TNIK: variants seen among roughly 807,000 people sequenced by gnomAD.
The protein encoded by TNIK is TRAF2 and NCK-interacting protein kinase.
In TNIK, 49 loss-of-function variants were observed where a neutral mutation model predicts 191.3. That is an observed-to-expected ratio of 0.26 (90% CI 0.20 to 0.32). The LOEUF is 0.32. Ranked by LOEUF, TNIK falls within the 10% of genes least tolerant of loss-of-function variation. The pLI is 1.00. For synonymous variants in TNIK, 594 were observed against 600.9 expected (o/e 0.99, Z 0.17); for missense variants, 1,155 against 1,702.3 (o/e 0.68, Z 5.66).
chr3:171,459,931 A>G, intron 1 of TNIK, 76 bp downstream of exon 1: 1 of 504,728 alleles, frequency 2.0e-6, no homozygotes, highest in Admixed American at 2.6e-5. Flanking sequence ...CCCCAGCCCC[A>G]GCCCCCAGTC....
At chr3:171,407,731 C>A (rs1427457718) in intron 1 of TNIK, among the ~76,000 whole-genome samples, 1 of 152,190 alleles carries the variant, frequency 6.6e-6, no homozygotes, top group Non-Finnish European at 1.5e-5. Flanking sequence ...TGCAAGGCCA[C>A]CCTAAGTTTA....
intron 2 of TNIK, among the ~76,000 whole-genome samples, chr3:171,325,950 G>T (rs970817028): frequency 6.6e-6 from 1 of 152,136 alleles, no homozygotes; most frequent in African/African-American, 2.4e-5. Flanking sequence ...CACTCTTCTC[G>T]AGCCTCATCT....
chr3:171,222,330 C>A (rs1313066616), intron 3 of TNIK, among the ~76,000 whole-genome samples: 2 of 152,030 alleles, frequency 1.3e-5, no homozygotes, highest in South Asian at 4.2e-4. Flanking sequence ...GCTGTCAATT[C>A]CTTTGTAAAA....
chr3:171,099,215 A>G (rs1235850192), intron 22 of TNIK, among the ~76,000 whole-genome samples: 1 of 152,086 alleles, frequency 6.6e-6, no homozygotes, highest in Non-Finnish European at 1.5e-5. Context: ...GATACGTTCA[A>G]TGGTTTCCAA....
chr3:171,404,652 C>A (rs1377843838), intron 1 of TNIK, among the ~76,000 whole-genome samples: 1 of 151,972 alleles, frequency 6.6e-6, no homozygotes, highest in Admixed American at 6.6e-5. Context: ...CTTATATATT[C>A]TCTCATTGAC....
chr3:171,273,751 T>A (rs774127782), intron 2 of TNIK, among the ~76,000 whole-genome samples: 12 of 152,144 alleles, frequency 7.9e-5, no homozygotes, highest in Non-Finnish European at 1.3e-4. Context: ...AAAATAAAAA[T>A]GTGAATAGAG....
Position 171,261,498 on chromosome 3 carries a change from G to A in TNIK, c.124-33277C>T, listed in dbSNP as rs370902960. Among the ~76,000 whole-genome samples, 291 of 152,250 alleles carry A rather than the reference G, an allele frequency of 1.9e-3. 2 individuals carry two copies. The highest frequency in any genetic ancestry group is 6.3e-3 in the African/African-American group (263 of 41,542). On this transcript the variant is annotated intron_variant, in intron 2 of 32. Coordinates refer to ENST00000436636, the MANE Select transcript of TNIK (RefSeq NM_015028.4). ...ACCCCAGCAGGAATGATAATTCCTG[G>A]TAAGTAATCAAGAAATGTTTGTTGG...
Position 171,351,404 on chromosome 3 carries a change from G to T in TNIK, c.123+18216C>A, listed in dbSNP as rs139489659. Among the ~76,000 whole-genome samples, 49 of 152,090 alleles carry T rather than the reference G, an allele frequency of 3.2e-4. No homozygotes were observed. The East Asian group carries it at 5.2e-3, about 16-fold the overall frequency. ...CAACCATTGAAAGAAGGTCATCTTA[G>T]ATCTTCTATATAATTAATCAAAAGA... On this transcript the variant is annotated intron_variant, in intron 2 of 32. Coordinates refer to ENST00000436636, the MANE Select transcript of TNIK (RefSeq NM_015028.4).
At chr3:171,171,451 C>T (rs988577217) in intron 9 of TNIK, among the ~76,000 whole-genome samples, 2 of 152,304 alleles carry the variant, frequency 1.3e-5, no homozygotes, top group Admixed American at 1.3e-4. Context: ...GGCTAGAACT[C>T]GTGCAAATAC....
chr3:171,459,700 A>ACACG (rs1553784792), intron 1 of TNIK, among the ~76,000 whole-genome samples: 1 of 151,682 alleles, frequency 6.6e-6, no homozygotes, highest in Non-Finnish European at 1.5e-5. Flanking sequence ...ACACACACAC[A>ACACG]CACGCACACA....
At chr3:171,122,150 G>C (rs1727839078) in intron 18 of TNIK, among the ~76,000 whole-genome samples, 2 of 152,216 alleles carry the variant, frequency 1.3e-5, no homozygotes, top group African/African-American at 4.8e-5. Context: ...TTGACTATAT[G>C]ATGGTAATTC....
intron 18 of TNIK, among the ~76,000 whole-genome samples, chr3:171,116,253 C>T (rs1296189917): frequency 1.3e-5 from 2 of 152,162 alleles, no homozygotes; most frequent in African/African-American, 4.8e-5. Flanking sequence ...GATGAATGCT[C>T]TTAAGAGGAT....
intron 1 of TNIK, among the ~76,000 whole-genome samples, chr3:171,377,770 A>G (rs888687026): frequency 3.9e-5 from 6 of 152,244 alleles, no homozygotes; most frequent in African/African-American, 1.4e-4. Context: ...AACAACATAT[A>G]TAAAGCATTT....
chr3:171,452,743 CA>C (rs1728327189), intron 1 of TNIK, among the ~76,000 whole-genome samples: 1 of 150,862 alleles, frequency 6.6e-6, no homozygotes, highest in Non-Finnish European at 1.5e-5. Flanking sequence ...CACACACACA[CA>C]CACACACACA....
chr3:171,133,761 A>T (rs1019846724), intron 15 of TNIK, among the ~76,000 whole-genome samples: 1 of 152,232 alleles, frequency 6.6e-6, no homozygotes, highest in Non-Finnish European at 1.5e-5. Flanking sequence ...CTAATATAAA[A>T]GGAAAAAGAA....
intron 2 of TNIK, among the ~76,000 whole-genome samples, chr3:171,357,551 CTTTT>C (rs77632080): frequency 6.3e-5 from 8 of 126,954 alleles, no homozygotes; most frequent in East Asian, 2.2e-4. Flanking sequence ...AGCCTCTGTA[CTTTT>C]TTTTTTTTTT....
At chr3:171,128,601 G>T in intron 16 of TNIK, 113 bp downstream of exon 16, 1 of 1,293,458 alleles carries the variant, frequency 7.7e-7, no homozygotes, top group Non-Finnish European at 1.0e-6. Context: ...TCTATATTAA[G>T]GGTCATAATT....
At position 171,453,419 on chromosome 3, in the gene TNIK, C is replaced by G. The variant is rs761424143; in HGVS notation, c.57+6588G>C. ...AGAAAGGAGACTAAGACAGAGCGCC[C>G]CCTACAGAGCATCCATGGGGGAATG... On this transcript the variant is annotated intron_variant, in intron 1 of 32. Coordinates refer to ENST00000436636, the MANE Select transcript of TNIK (RefSeq NM_015028.4). Among the ~76,000 whole-genome samples the G allele has an allele frequency of 7.9e-5, 12 of 152,048 alleles. No individual in the cohort carries two copies. The South Asian group carries it at 1.0e-3, about 13-fold the overall frequency.
intron 3 of TNIK, among the ~76,000 whole-genome samples, chr3:171,220,314 C>G (rs1742141845): frequency 6.6e-6 from 1 of 152,080 alleles, no homozygotes; most frequent in Admixed American, 6.5e-5. Context: ...ATGGGTGCAG[C>G]AAACCACCAT....
Sources: gnomAD v4.1 joint callset for allele counts (sites outside exome capture counted in the v4.1 genomes callset) on GRCh38, gnomAD v4.1.1 for gene constraint, MANE v1.5 for transcripts, NCBI Gene and HGNC (gene_info 2026-07-23, HGNC 2026-07-21) for gene names.